Variants in GPR149 observed in about 807,000 individuals in gnomAD.
The protein encoded by GPR149 is G protein-coupled receptor 149.
Under a neutral mutation model 50.2 loss-of-function variants are expected in GPR149, and 50 were observed. That is an observed-to-expected ratio of 1.00 (90% CI 0.79 to 1.26). GPR149 has a LOEUF of 1.26. Among genes scored for constraint, GPR149 ranks in the 50% most tolerant of loss-of-function variants. GPR149 has a pLI of 0.00. For missense variants in GPR149, 983 were observed against 895.4 expected, an observed-to-expected ratio of 1.10 and a Z score of -1.25; for synonymous variants, 405 against 358.2, an observed-to-expected ratio of 1.13 and a Z score of -1.48.
intron 3 of GPR149, among the ~76,000 whole-genome samples, chr3:154,364,756 T>TG (rs905649121): frequency 2.6e-5 from 4 of 152,228 alleles, no homozygotes; most frequent in African/African-American, 9.6e-5. Flanking sequence ...CCAAAGGCCC[T>TG]GGGGGATCCC....
chr3:154,347,775 T>C (rs993957457), intron 3 of GPR149, among the ~76,000 whole-genome samples: 5 of 152,106 alleles, frequency 3.3e-5, no homozygotes, highest in African/African-American at 1.2e-4. Flanking sequence ...CTAAGATGAA[T>C]TGGAGAAAGG....
At chr3:154,379,328 T>C (rs1288745599) in intron 3 of GPR149, among the ~76,000 whole-genome samples, 1 of 152,062 alleles carries the variant, frequency 6.6e-6, no homozygotes, top group East Asian at 1.9e-4. Context: ...ATGGCTTATC[T>C]ATTCATTTTC....
At chr3:154,404,462 T>A (rs1336740963) in intron 3 of GPR149, among the ~76,000 whole-genome samples, 1 of 152,258 alleles carries the variant, frequency 6.6e-6, no homozygotes, top group East Asian at 1.9e-4. Context: ...TTTTAGAGAA[T>A]AATACCCAAA....
At chr3:154,357,365 C>CAAAA (rs1309028387) in intron 3 of GPR149, among the ~76,000 whole-genome samples, 1 of 151,854 alleles carries the variant, frequency 6.6e-6, no homozygotes. Flanking sequence ...TTCTGCACAG[C>CAAAA]AAAAGAAACT....
intron 2 of GPR149, among the ~76,000 whole-genome samples, chr3:154,422,970 T>C (rs1712188321): frequency 1.3e-5 from 2 of 151,916 alleles, no homozygotes; most frequent in African/African-American, 4.8e-5. Context: ...AAACAAATGC[T>C]GTCATAAAAT....
intron 3 of GPR149, among the ~76,000 whole-genome samples, chr3:154,384,676 T>A (rs1715008830): frequency 1.3e-5 from 2 of 152,216 alleles, no homozygotes; most frequent in Admixed American, 6.5e-5. Flanking sequence ...CTGCTCACTG[T>A]TACACAATTA....
intron 3 of GPR149, among the ~76,000 whole-genome samples, chr3:154,339,573 A>T (rs941200464): frequency 6.6e-6 from 1 of 152,058 alleles, no homozygotes; most frequent in African/African-American, 2.4e-5. Context: ...ATCCCAGGAA[A>T]TCCCTCAGTC....
intron 3 of GPR149, among the ~76,000 whole-genome samples, chr3:154,400,042 G>A (rs1278438495): frequency 4.6e-5 from 7 of 151,988 alleles, no homozygotes; most frequent in Non-Finnish European, 8.8e-5. Context: ...GCTGGAGTGC[G>A]GTGGCGCGAT....
intron 3 of GPR149, among the ~76,000 whole-genome samples, chr3:154,409,939 G>A (rs376033248): frequency 9.9e-5 from 15 of 152,052 alleles, no homozygotes; most frequent in Admixed American, 1.3e-4. Flanking sequence ...TCAGGTTACC[G>A]AAAGTCAAGA....
chr3:154,392,929 A>G (rs1049790230), intron 3 of GPR149, among the ~76,000 whole-genome samples: 2 of 151,962 alleles, frequency 1.3e-5, no homozygotes, highest in Middle Eastern at 3.2e-3. Flanking sequence ...GAGGGATTGA[A>G]ATAGTAATCA....
At chr3:154,352,239 T>C (rs1012626673) in intron 3 of GPR149, 46 of 875,420 alleles carry the variant, frequency 5.3e-5, no homozygotes, top group Non-Finnish European at 7.8e-5. Context: ...TTGTCGACTC[T>C]GTCTACCTGA....
chr3:154,360,404 T>C (rs1007929369), intron 3 of GPR149, among the ~76,000 whole-genome samples: 3 of 152,232 alleles, frequency 2.0e-5, no homozygotes, highest in African/African-American at 7.2e-5. Flanking sequence ...CCACTGTATA[T>C]CTAATCACTG....
chr3:154,356,409 C>T (rs1032944282), intron 3 of GPR149, among the ~76,000 whole-genome samples: 5 of 152,166 alleles, frequency 3.3e-5, no homozygotes, highest in Non-Finnish European at 5.9e-5. Flanking sequence ...TTGCAGATGA[C>T]ATGATTGTAT....
intron 3 of GPR149, among the ~76,000 whole-genome samples, chr3:154,392,280 T>A (rs1715188709): frequency 6.6e-6 from 1 of 151,736 alleles, no homozygotes; most frequent in Admixed American, 6.6e-5. Flanking sequence ...ATTTGCAAAA[T>A]GTGACAACTA....
chr3:154,403,715 C>T (rs762181747), intron 3 of GPR149, among the ~76,000 whole-genome samples: 9 of 151,786 alleles, frequency 5.9e-5, no homozygotes, highest in Non-Finnish European at 1.0e-4. Context: ...ATGTGGTATT[C>T]TATTGTAAAA....
rs1166932166 is a variant in GPR149, at chr3:154,430,125, GAGAGAGAGAGAGAC to G, written c.-524_-511del. Reference sequence around the variant, plus strand: ...GGTAGGTTTCAGCTTTGAAGGTGGAGAGAGAGAGAGAGACAGAGAGAGAGAGAGAGAGGGCGAGC... The same window carrying G: ...GGTAGGTTTCAGCTTTGAAGGTGGAGAGAGAGAGAGAGAGAGAGGGCGAGC... On this transcript the variant is annotated 5_prime_UTR_variant, in exon 1 of 4. Transcript: ENST00000389740. Among the ~76,000 whole-genome samples, 87 of 142,876 alleles carry G rather than the reference GAGAGAGAGAGAGAC, an allele frequency of 6.1e-4. No homozygotes were observed. The highest frequency in any genetic ancestry group is 2.2e-3 in the African/African-American group (82 of 37,014). The allele number at this position is 142,876 out of a possible 152,430, so 93.7% of individuals were successfully genotyped here. A position where few individuals can be genotyped will look rare whatever the true frequency, so the allele number is the denominator to read the frequency against.
intron 3 of GPR149, among the ~76,000 whole-genome samples, chr3:154,344,512 T>G (rs1486519454): frequency 1.3e-5 from 2 of 152,138 alleles, no homozygotes; most frequent in Non-Finnish European, 2.9e-5. Flanking sequence ...CCCTGTAAAC[T>G]GTGAATATGA....
At chr3:154,357,190 A>G (rs1440367689) in intron 3 of GPR149, among the ~76,000 whole-genome samples, 3 of 152,182 alleles carry the variant, frequency 2.0e-5, no homozygotes, top group Admixed American at 6.5e-5. Flanking sequence ...TTCAAGATGG[A>G]TTAAAGACTT....
intron 3 of GPR149, among the ~76,000 whole-genome samples, chr3:154,386,986 T>G (rs893307154): frequency 1.4e-4 from 21 of 151,978 alleles, no homozygotes; most frequent in Middle Eastern, 3.2e-3. Flanking sequence ...TTTTTTTCCC[T>G]ATTAAGGGAA....
Sources: gnomAD v4.1 joint callset for allele counts (sites outside exome capture counted in the v4.1 genomes callset) on GRCh38, gnomAD v4.1.1 for gene constraint, MANE v1.5 for transcripts, NCBI Gene and HGNC (gene_info 2026-07-23, HGNC 2026-07-21) for gene names.